The following CCDC138 variants were observed in gnomAD, a reference collection of about 807,000 sequenced individuals.
CCDC138 encodes coiled-coil domain-containing protein 138.
A neutral mutation model predicts 82.3 loss-of-function variants in CCDC138; 66 were observed. The observed-to-expected ratio is 0.80, with a 90% CI of 0.66 to 0.98. The LOEUF (loss-of-function observed/expected upper bound fraction) is 0.98, where lower values mean the gene tolerates loss of function less well. CCDC138 is among the 50% of genes least tolerant of loss of function. CCDC138 has a pLI of 0.00. For synonymous variants in CCDC138, 297 were observed against 265.4 expected (o/e 1.12, Z -1.16); for missense variants, 816 against 758.9 (o/e 1.08, Z -0.88).
downstream of CCDC138, among the ~76,000 whole-genome samples, chr2:108,880,622 A>G (rs545328320): frequency 2.0e-5 from 3 of 152,154 alleles, no homozygotes; most frequent in Non-Finnish European, 2.9e-5. Context: ...TAGGGCCCTT[A>G]AGAATTATGC....
At chr2:108,802,435 G>A (rs1161497227) in intron 6 of CCDC138, among the ~76,000 whole-genome samples, 1 of 142,150 alleles carries the variant, frequency 7.0e-6, no homozygotes, top group African/African-American at 2.9e-5. Context: ...CTGTTTGTCT[G>A]TTGTTGGTGT....
intron 6 of CCDC138, among the ~76,000 whole-genome samples, chr2:108,802,921 C>T (rs1003453206): frequency 3.3e-5 from 5 of 152,108 alleles, no homozygotes; most frequent in Non-Finnish European, 7.3e-5. Flanking sequence ...TGTTTATATG[C>T]TGGATTACAT....
rs920369139 is a variant in CCDC138, at chr2:108,814,951, A to G, written c.1042-990A>G. Among the ~76,000 whole-genome samples, 12 of 152,254 alleles carry G rather than the reference A, an allele frequency of 7.9e-5. No homozygotes were observed. In the East Asian group the frequency reaches 2.3e-3, roughly 29 times the overall value. On this transcript the variant is annotated intron_variant, in intron 9 of 14. Coordinates refer to ENST00000295124, the MANE Select transcript of CCDC138 (RefSeq NM_144978.3). ...ACATCTGGCCTGCAGATTTTTAAAA[A>G]AATAAATTTAACATAGTTCCCTCCT... is the stretch of plus-strand genomic sequence containing the variant.
At position 108,807,364 on chromosome 2, in the gene CCDC138, G is replaced by A. The variant is rs910458740; in HGVS notation, c.855+2356G>A. ...ATCAATTGAATTTAAGAACTCCATT[G>A]AATGGGGTTTTAAAATTATTTTTAA... On this transcript the variant is annotated intron_variant, in intron 7 of 14. Transcript: ENST00000295124. Among the ~76,000 whole-genome samples, 3 of 152,206 alleles carry A rather than the reference G, an allele frequency of 2.0e-5. No individual in the cohort carries two copies. In the East Asian group the frequency reaches 5.8e-4, roughly 29 times the overall value.
At chr2:108,817,864 G>A (rs1685057207) in intron 10 of CCDC138, among the ~76,000 whole-genome samples, 1 of 152,166 alleles carries the variant, frequency 6.6e-6, no homozygotes, top group Non-Finnish European at 1.5e-5. Flanking sequence ...TGTTACGGCA[G>A]CAATAGGACA....
intron 1 of CCDC138, among the ~76,000 whole-genome samples, 187 bp downstream of exon 1, chr2:108,787,102 G>A (rs1346224417): frequency 6.6e-6 from 1 of 152,186 alleles, no homozygotes; most frequent in Non-Finnish European, 1.5e-5. Flanking sequence ...CGGGGGTGCG[G>A]GGGTGCCGCT....
chr2:108,831,804 C>A (rs1687726309), intron 10 of CCDC138, among the ~76,000 whole-genome samples: 1 of 151,900 alleles, frequency 6.6e-6, no homozygotes, highest in Non-Finnish European at 1.5e-5. Flanking sequence ...ATGATCTCGG[C>A]CCACTGCAAC....
Position 108,876,391 on chromosome 2 carries a change from T to C in CCDC138, c.*138T>C, listed in dbSNP as rs948740338. 1.2e-5 allele frequency: 6 copies of C among 518,164 alleles called. No individual in the cohort carries two copies. The highest frequency in any genetic ancestry group is 9.6e-5 in the African/African-American group (5 of 51,916). The allele number at this position is 518,164 out of a possible 1,614,324, so 32.1% of individuals were successfully genotyped here. Reference sequence around the variant, plus strand: ...AAAAATAAATAATTTTTTTGAACTGTAAAAATGAAATCTGTAGAAGGTATT... The same window carrying C: ...AAAAATAAATAATTTTTTTGAACTGCAAAAATGAAATCTGTAGAAGGTATT... On this transcript the variant is annotated 3_prime_UTR_variant, in exon 15 of 15. Transcript: ENST00000295124.
chr2:108,839,037 C>T, intron 10 of CCDC138, 148 bp from the exon 11 acceptor site: 1 of 759,910 alleles, frequency 1.3e-6, no homozygotes, highest in Non-Finnish European at 2.0e-6. Flanking sequence ...AATTGTATTG[C>T]ATATAGTTTT....
chr2:108,883,582 G>A (rs1302078664), intron 2 of CCDC138: 1 of 152,262 alleles, frequency 6.6e-6, no homozygotes, highest in Admixed American at 6.5e-5. Flanking sequence ...GAGGATTCAG[G>A]ATGTCCAGTT....
chr2:108,793,997 G>A (rs1335028198), intron 4 of CCDC138, among the ~76,000 whole-genome samples: 1 of 152,128 alleles, frequency 6.6e-6, no homozygotes, highest in South Asian at 2.1e-4. Flanking sequence ...CCTATAGGAG[G>A]ATGCTGTATA....
chr2:108,830,609 C>T (rs1018380627), intron 10 of CCDC138, among the ~76,000 whole-genome samples: 1 of 151,104 alleles, frequency 6.6e-6, no homozygotes, highest in Non-Finnish European at 1.5e-5. Flanking sequence ...GAGTTCAAGT[C>T]CAACCTGGCC....
intron 13 of CCDC138, among the ~76,000 whole-genome samples, chr2:108,871,391 A>C (rs1489588257): frequency 2.7e-5 from 4 of 150,594 alleles, no homozygotes; most frequent in African/African-American, 9.8e-5. Flanking sequence ...AAAAAAAAAA[A>C]AAAATAGAAA....
At chr2:108,799,925 A>G (rs1213527548) in intron 6 of CCDC138, among the ~76,000 whole-genome samples, 2 of 152,040 alleles carry the variant, frequency 1.3e-5, no homozygotes, top group Admixed American at 6.5e-5. Flanking sequence ...TATTTTTGAT[A>G]TTTAAAAATT....
chr2:108,867,708 T>G (rs1694629824), intron 13 of CCDC138, among the ~76,000 whole-genome samples: 1 of 152,032 alleles, frequency 6.6e-6, no homozygotes, highest in Admixed American at 6.6e-5. Flanking sequence ...ATACTATTGC[T>G]TTTTTTTGTT....
intron 11 of CCDC138, among the ~76,000 whole-genome samples, chr2:108,844,704 G>C (rs1175284311): frequency 6.6e-6 from 1 of 151,470 alleles, no homozygotes; most frequent in Non-Finnish European, 1.5e-5. Flanking sequence ...GCTATTTTTG[G>C]AGTTTTTTCT....
At chr2:108,822,036 G>A (rs1342105525) in intron 10 of CCDC138, among the ~76,000 whole-genome samples, 1 of 151,810 alleles carries the variant, frequency 6.6e-6, no homozygotes, top group Non-Finnish European at 1.5e-5. Flanking sequence ...TAAACAGCCA[G>A]CACCCAACTG....
chr2:108,816,015 A>G lies in CCDC138; in HGVS notation c.1116A>G (p.Lys372=). 1 of 1,613,872 alleles carries G rather than the reference A, an allele frequency of 6.2e-7. No individual in the cohort carries two copies. Among genetic ancestry groups the G allele is most frequent in the Admixed American group, 1.7e-5 (1 of 59,990 alleles). The change falls in exon 10 of 15, where the codon AAA becomes AAG. Residue 372 remains lysine (K), a synonymous_variant. Coordinates refer to ENST00000295124, the MANE Select transcript of CCDC138 (RefSeq NM_144978.3). The stretch of plus-strand genomic sequence containing the variant: ...GGATTTCGGATCATCATCTTAGCAA[A>G]GTGAAACATGAAGAATCTGGAATGG... ...MDWISDHHLS[K]VKHEESGMDG...
At chr2:108,870,790 T>A (rs1214033548) in intron 13 of CCDC138, among the ~76,000 whole-genome samples, 1 of 152,160 alleles carries the variant, frequency 6.6e-6, no homozygotes, top group Non-Finnish European at 1.5e-5. Context: ...ATAAGTAGAT[T>A]GGTGATTGTC....
Sources: gnomAD v4.1 joint callset for allele counts (sites outside exome capture counted in the v4.1 genomes callset) on GRCh38, gnomAD v4.1.1 for gene constraint, MANE v1.5 for transcripts, NCBI Gene and HGNC (gene_info 2026-07-23, HGNC 2026-07-21) for gene names.